The following LRP1B variants were observed in gnomAD, a reference collection of about 807,000 sequenced individuals.
LRP1B encodes low-density lipoprotein receptor-related protein 1B.
Under a neutral mutation model 556.6 loss-of-function variants are expected in LRP1B, and 217 were observed. The ratio of observed to expected loss-of-function variants is 0.39; its 90% CI spans 0.35 to 0.44. LRP1B has a LOEUF of 0.44. Among genes scored for constraint, LRP1B ranks in the 20% least tolerant of loss-of-function variants. LRP1B has a pLI of 1.00. For synonymous variants in LRP1B, 2,047 were observed against 1,865.8 expected (o/e 1.10, Z -2.50); for missense variants, 5,053 against 5,620.8 (o/e 0.90, Z 3.23).
chr2:141,918,237 T>TA (rs1700090066), intron 1 of LRP1B, among the ~76,000 whole-genome samples: 2 of 151,702 alleles, frequency 1.3e-5, no homozygotes, highest in Admixed American at 1.3e-4. Flanking sequence ...AATTATTTTC[T>TA]TATATATATA....
At chr2:141,748,762 A>G (rs1694000598) in intron 2 of LRP1B, among the ~76,000 whole-genome samples, 1 of 152,214 alleles carries the variant, frequency 6.6e-6, no homozygotes, top group Non-Finnish European at 1.5e-5. Flanking sequence ...CCTCTTCCAA[A>G]GCAGAAGGCT....
intron 7 of LRP1B, among the ~76,000 whole-genome samples, chr2:141,143,754 C>T (rs1421607097): frequency 6.6e-6 from 1 of 152,112 alleles, no homozygotes; most frequent in Non-Finnish European, 1.5e-5. Context: ...TGAGCTCTAT[C>T]TCCCCCCAGT....
intron 41 of LRP1B, among the ~76,000 whole-genome samples, chr2:140,649,723 C>T (rs1194712337): frequency 6.6e-6 from 1 of 152,156 alleles, no homozygotes; most frequent in African/African-American, 2.4e-5. Flanking sequence ...TCACCAGATC[C>T]CGTGAATCTA....
At chr2:140,683,548 C>A in intron 41 of LRP1B, 2 of 647,190 alleles carry the variant, frequency 3.1e-6, no homozygotes, top group Admixed American at 2.0e-5. Flanking sequence ...CCTTGATCTG[C>A]TTTCAACTCC....
intron 2 of LRP1B, among the ~76,000 whole-genome samples, chr2:141,753,262 C>CTATATATATATATATATATATA (rs70994451): frequency 1.9e-4 from 7 of 36,226 alleles, no homozygotes; most frequent in South Asian, 8.8e-4. Flanking sequence ...CTCTCTCTCT[C>CTATATATATATATATATATATA]CATATATATA....
intron 31 of LRP1B, among the ~76,000 whole-genome samples, chr2:140,818,041 T>TA (rs778302392): frequency 9.9e-4 from 150 of 152,124 alleles, no homozygotes; most frequent in Non-Finnish European, 1.6e-3. Flanking sequence ...ATATACAATT[T>TA]AAAAAAAATT....
intron 35 of LRP1B, among the ~76,000 whole-genome samples, chr2:140,755,531 T>C (rs1212088879): frequency 6.6e-6 from 1 of 151,968 alleles, no homozygotes; most frequent in Admixed American, 6.6e-5. Context: ...TGGAAATATA[T>C]TAATTTATTA....
intron 32 of LRP1B, among the ~76,000 whole-genome samples, chr2:140,794,239 T>C (rs909054456): frequency 1.3e-5 from 2 of 152,116 alleles, no homozygotes; most frequent in African/African-American, 4.8e-5. Context: ...TCACAATATA[T>C]ATAATTTCCA....
intron 25 of LRP1B, among the ~76,000 whole-genome samples, chr2:140,872,707 T>A (rs1350332317): frequency 6.6e-6 from 1 of 152,088 alleles, no homozygotes; most frequent in African/African-American, 2.4e-5. Context: ...CACCAGACTT[T>A]TTCTCTCTGT....
intron 31 of LRP1B, among the ~76,000 whole-genome samples, chr2:140,828,433 C>A (rs569236399): frequency 6.9e-6 from 1 of 144,814 alleles, no homozygotes; most frequent in Non-Finnish European, 1.5e-5. Context: ...CACGGTGAAA[C>A]CCCGTCTCTA....
At chr2:140,650,114 C>A (rs1238914954) in intron 41 of LRP1B, among the ~76,000 whole-genome samples, 2 of 151,618 alleles carry the variant, frequency 1.3e-5, no homozygotes, top group Non-Finnish European at 1.5e-5. Flanking sequence ...TTTCTTAGTG[C>A]AAATATAAAG....
chr2:140,417,884 T>C (rs1323293258), intron 66 of LRP1B, among the ~76,000 whole-genome samples: 1 of 152,206 alleles, frequency 6.6e-6, no homozygotes. Context: ...AACTCACATG[T>C]GTTCACGCAG....
Position 141,728,571 on chromosome 2 carries a change from G to A in LRP1B, c.205+81708C>T, listed in dbSNP as rs898252018. ...AAAAAACTGTAGACTGAATCACCAC[G>A]GGAATAAGTCAGAGAGATCCACAGA... On this transcript the variant is annotated intron_variant, in intron 2 of 90. Transcript: ENST00000389484. Among the ~76,000 whole-genome samples, 6 of 152,124 alleles carry A rather than the reference G, an allele frequency of 3.9e-5. No homozygotes were observed. In the South Asian group the frequency reaches 8.3e-4, roughly 21 times the overall value.
At chr2:140,823,020 A>G (rs1196051732) in intron 31 of LRP1B, among the ~76,000 whole-genome samples, 3 of 152,218 alleles carry the variant, frequency 2.0e-5, no homozygotes, top group Non-Finnish European at 2.9e-5. Flanking sequence ...CACTATGATT[A>G]TATTATTTTT....
At chr2:141,845,780 C>G (rs1697625576) in intron 1 of LRP1B, among the ~76,000 whole-genome samples, 1 of 151,624 alleles carries the variant, frequency 6.6e-6, no homozygotes, top group Non-Finnish European at 1.5e-5. Context: ...AGAAAAATAA[C>G]AAGAATATAA....
chr2:141,332,814 C>CAAAAA (rs67444878), intron 3 of LRP1B, among the ~76,000 whole-genome samples: 95 of 142,436 alleles, frequency 6.7e-4, no homozygotes, highest in African/African-American at 2.2e-3. Context: ...TTTAAAAATG[C>CAAAAA]AAAAAAAAAA....
At position 140,455,759 on chromosome 2, in the gene LRP1B, T is replaced by A. The variant is rs540533217; in HGVS notation, c.9963+696A>T. Among the ~76,000 whole-genome samples the A allele has an allele frequency of 1.2e-4, 19 of 152,206 alleles. No homozygotes were observed. The East Asian group carries it at 3.7e-3, about 29-fold the overall frequency. On this transcript the variant is annotated intron_variant, in intron 62 of 90. Transcript: ENST00000389484. The stretch of plus-strand genomic sequence containing the variant: ...GCTAGTAACTAGAAAATCAGCAAAC[T>A]CAAACATAGAATTCTAAAAATACAT...
chr2:140,647,793 G>A (rs894307790), intron 41 of LRP1B, among the ~76,000 whole-genome samples: 4 of 152,140 alleles, frequency 2.6e-5, no homozygotes, highest in African/African-American at 9.7e-5. Flanking sequence ...GAAACAACAG[G>A]TGCTGGAGAG....
At chr2:141,471,283 T>G (rs112384143) in intron 3 of LRP1B, among the ~76,000 whole-genome samples, 16,830 of 148,936 alleles carry the variant, frequency 0.11, 1,314 homozygotes, top group South Asian at 0.27. Context: ...TTTTTTTTTT[T>G]TTTTTTTTTT....
Sources: gnomAD v4.1 joint callset for allele counts (sites outside exome capture counted in the v4.1 genomes callset) on GRCh38, gnomAD v4.1.1 for gene constraint, MANE v1.5 for transcripts, NCBI Gene and HGNC (gene_info 2026-07-23, HGNC 2026-07-21) for gene names.